The following COL5A1 variants were observed in gnomAD, a reference collection of about 807,000 sequenced individuals.
The protein encoded by COL5A1 is collagen alpha-1(V) chain.
A neutral mutation model predicts 263.7 loss-of-function variants in COL5A1; 16 were observed. That is an observed-to-expected ratio of 0.06 (90% CI 0.04 to 0.09). COL5A1 has a LOEUF of 0.09. Among genes scored for constraint, COL5A1 ranks in the 10% least tolerant of loss-of-function variants. COL5A1 has a pLI of 1.00. For synonymous variants in COL5A1, 1,012 were observed against 1,004.5 expected (o/e 1.01, Z -0.14); for missense variants, 2,036 against 2,540.5 (o/e 0.80, Z 4.27).
rs868214758 is a variant in COL5A1, at chr9:134,747,866, C to T, written c.1495-2676C>T. Reference sequence around the variant, plus strand: ...ACATGCACACATGCATTCATACACACATGCAGACACATGCACACATGCATT... The same window carrying T: ...ACATGCACACATGCATTCATACACATATGCAGACACATGCACACATGCATT... On this transcript the variant is annotated intron_variant, in intron 11 of 65. Transcript: ENST00000371817. Among the ~76,000 whole-genome samples the T allele has an allele frequency of 5.3e-5, 8 of 151,274 alleles. No individual in the cohort carries two copies. The East Asian group carries it at 7.9e-4, about 15-fold the overall frequency.
chr9:134,803,117 C>T (rs750724243), intron 39 of COL5A1, 122 bp downstream of exon 39: 21 of 827,512 alleles, frequency 2.5e-5, no homozygotes, highest in East Asian at 2.4e-4. Context: ...CTTCTCATGC[C>T]GGTTCACTCC....
At chr9:134,784,946 G>A (rs1355786666) in intron 29 of COL5A1, 43 bp from the exon 30 acceptor site, 6 of 1,355,268 alleles carry the variant, frequency 4.4e-6, no homozygotes, top group Non-Finnish European at 6.2e-6. Flanking sequence ...AATAGTGTGT[G>A]TGCGGGGGGT....
intron 13 of COL5A1, 69 bp downstream of exon 13, chr9:134,750,951 G>C: frequency 7.3e-7 from 1 of 1,361,126 alleles, no homozygotes; most frequent in Non-Finnish European, 1.0e-6. Flanking sequence ...ACAGGAGTGA[G>C]TGAGTCAGGC....
In COL5A1 at chr9:134,642,149, C is replaced by T; in HGVS notation, c.-39C>T. On this transcript the variant is annotated 5_prime_UTR_variant, in exon 1 of 66. Coordinates refer to ENST00000371817, the MANE Select transcript of COL5A1 (RefSeq NM_000093.5). The surrounding 1 kb of genome is among the most constrained non-coding windows in gnomAD (Gnocchi z 4.5). ...CGCCCCTGTGCGTCCCCGCGCGCCT[C>T]CGAGCGCCCCTGTGCGCCCCGGCCC... The T allele has an allele frequency of 1.6e-6, 2 of 1,238,302 alleles. No homozygotes were observed. The highest frequency in any genetic ancestry group is 4.3e-5 in the Admixed American group (1 of 23,432). The allele number at this position is 1,238,302 out of a possible 1,614,324, so 76.7% of individuals were successfully genotyped here.
chr9:134,727,681 C>A (rs1234766042), intron 5 of COL5A1, among the ~76,000 whole-genome samples: 1 of 152,194 alleles, frequency 6.6e-6, no homozygotes, highest in African/African-American at 2.4e-5. Flanking sequence ...TGGGCTTGAC[C>A]TTGATGGGGT....
rs61566377 is a variant in COL5A1 at position 134,755,513 on chromosome 9, G to T, written c.1827+1187G>T. On this transcript the variant is annotated intron_variant, in intron 16 of 65. Coordinates refer to ENST00000371817, the MANE Select transcript of COL5A1 (RefSeq NM_000093.5). This position sits in a 1 kb window ranked among gnomAD's most constrained non-coding sequence, Gnocchi z 4.1. The stretch of plus-strand genomic sequence containing the variant: ...TGGTGAGAGAGGGGCTTGGAGCTGA[G>T]GGGTCGATTCCAAAGTGGTCTGAGC... Among the ~76,000 whole-genome samples, 4 of 152,132 alleles carry T rather than the reference G, an allele frequency of 2.6e-5. No homozygotes were observed. Among genetic ancestry groups the T allele is most frequent in the African/African-American group, 9.7e-5 (4 of 41,438 alleles).
chr9:134,802,117 A>G, intron 38 of COL5A1, 110 bp downstream of exon 38: 1 of 1,099,740 alleles, frequency 9.1e-7, no homozygotes, highest in Non-Finnish European at 1.4e-6. Flanking sequence ...AGGTGCAGGT[A>G]CTGCTGAGAG....
At chr9:134,710,560 G>GGA (rs1188318321) in intron 4 of COL5A1, among the ~76,000 whole-genome samples, 1 of 132,664 alleles carries the variant, frequency 7.5e-6, no homozygotes, top group Non-Finnish European at 1.6e-5. Context: ...GCAGTGGTGG[G>GGA]GGGGCCCCAT....
At chr9:134,687,962 C>T (rs1351801898) in intron 1 of COL5A1, among the ~76,000 whole-genome samples, 1 of 152,228 alleles carries the variant, frequency 6.6e-6, no homozygotes, top group Non-Finnish European at 1.5e-5. Flanking sequence ...AAAGCTTGTG[C>T]TGTGTCCAAG....
At position 134,756,860 on chromosome 9, in the gene COL5A1, C is replaced by G. The variant is rs771381685; in HGVS notation, c.1881+42C>G. 2.5e-6 allele frequency: 4 copies of G among 1,586,704 alleles called. No homozygotes were observed. The Admixed American group carries it at 6.7e-5, about 26-fold the overall frequency. ...CCTCCTGGTGCCCTGGCATCACTGTCATCCCTGGGGTCATGTTGATGATGT... is the reference window on the plus strand; with the variant it reads ...CCTCCTGGTGCCCTGGCATCACTGTGATCCCTGGGGTCATGTTGATGATGT... On this transcript the variant is annotated intron_variant, in intron 17 of 65. Transcript: ENST00000371817.
chr9:134,820,282 G>A (rs542481696), intron 58 of COL5A1, 59 bp downstream of exon 58: 15 of 1,383,274 alleles, frequency 1.1e-5, no homozygotes, highest in Admixed American at 1.7e-5. Context: ...GATCCCTGGG[G>A]CAGGCACCCA....
intron 14 of COL5A1, 70 bp from the exon 15 acceptor site, chr9:134,753,764 CTGCCCCTCCCCTGCCA>C: frequency 1.4e-6 from 1 of 711,040 alleles, no homozygotes. Context: ...TCCCCTCCCC[CTGCCCCTCCCCTGCCA>C]CCCCCAGCCC....
At chr9:134,730,205 G>A (rs1216761087) in intron 6 of COL5A1, 31 bp from the exon 7 acceptor site, 29 of 1,610,872 alleles carry the variant, frequency 1.8e-5, no homozygotes, top group Non-Finnish European at 2.4e-5. Flanking sequence ...CCTCCGCCCT[G>A]ACTCCAGCTG....
intron 4 of COL5A1, among the ~76,000 whole-genome samples, chr9:134,704,450 C>T (rs1833774342): frequency 6.6e-6 from 1 of 152,166 alleles, no homozygotes; most frequent in Non-Finnish European, 1.5e-5. Context: ...ATGGAGGAGG[C>T]TGTTTTCCTA....
intron 38 of COL5A1, 35 bp downstream of exon 38, chr9:134,802,042 T>G (rs1350870422): frequency 6.2e-7 from 1 of 1,603,340 alleles, no homozygotes; most frequent in Non-Finnish European, 8.5e-7. Flanking sequence ...CATGGGTCAC[T>G]CGGTGTCACT....
At chr9:134,760,086 A>C (rs1286284808) in intron 18 of COL5A1, among the ~76,000 whole-genome samples, 1 of 121,104 alleles carries the variant, frequency 8.3e-6, no homozygotes, top group African/African-American at 3.1e-5. Flanking sequence ...ACACACGCAT[A>C]CACGCCCACA....
At chr9:134,683,562 C>G (rs941073519) in intron 1 of COL5A1, among the ~76,000 whole-genome samples, 2 of 152,268 alleles carry the variant, frequency 1.3e-5, no homozygotes, top group African/African-American at 4.8e-5. Flanking sequence ...CAGTCTGTCT[C>G]TCTGCATCCT....
chr9:134,719,187 T>G (rs1341099463), intron 4 of COL5A1, among the ~76,000 whole-genome samples: 2 of 152,226 alleles, frequency 1.3e-5, no homozygotes, highest in African/African-American at 4.8e-5. Flanking sequence ...GCCACACACA[T>G]GCATACCTGT....
chr9:134,775,616 T>C (rs1837026297), intron 27 of COL5A1, among the ~76,000 whole-genome samples: 1 of 152,186 alleles, frequency 6.6e-6, no homozygotes, highest in Non-Finnish European at 1.5e-5. Context: ...ACACGGCACG[T>C]TCTGTGTAGA....
Sources: gnomAD v4.1 joint callset for allele counts (sites outside exome capture counted in the v4.1 genomes callset) on GRCh38, gnomAD v4.1.1 for gene constraint, Gnocchi (gnomAD v3.1) non-coding constraint, MANE v1.5 for transcripts, NCBI Gene and HGNC (gene_info 2026-07-23, HGNC 2026-07-21) for gene names.